The following TMEM132D variants were observed in gnomAD, a reference collection of about 807,000 sequenced individuals.
TMEM132D encodes the protein transmembrane protein 132D.
In TMEM132D, 21 loss-of-function variants were observed where a neutral mutation model predicts 62.3. That is an observed-to-expected ratio of 0.34 (90% confidence interval 0.24 to 0.49). The LOEUF is 0.49. TMEM132D is among the 20% of genes least tolerant of loss of function. The pLI is 0.99. For synonymous variants in TMEM132D, 621 were observed against 575.6 expected, an observed-to-expected ratio of 1.08 and a Z score of -1.13; for missense variants, 1,346 against 1,402.8, an observed-to-expected ratio of 0.96 and a Z score of 0.65.
chr12:129,489,428 C>T (rs144756195), intron 3 of TMEM132D, among the ~76,000 whole-genome samples: 1 of 152,142 alleles, frequency 6.6e-6, no homozygotes, highest in Non-Finnish European at 1.5e-5. Flanking sequence ...TGAAACAAAA[C>T]AATGGTGTAA....
At chr12:129,089,988 C>T (rs10847758) in intron 5 of TMEM132D, among the ~76,000 whole-genome samples, 1 of 152,092 alleles carries the variant, frequency 6.6e-6, no homozygotes, top group Non-Finnish European at 1.5e-5. Flanking sequence ...AAAAGCACAG[C>T]AGAAATGACT....
chr12:129,496,678 A>G (rs903362944), intron 3 of TMEM132D, among the ~76,000 whole-genome samples: 1 of 152,160 alleles, frequency 6.6e-6, no homozygotes. Flanking sequence ...ATTAAAAAAA[A>G]AATGCAAGCA....
intron 2 of TMEM132D, among the ~76,000 whole-genome samples, chr12:129,586,182 G>GATCACA (rs1565913335): frequency 1.3e-5 from 2 of 152,076 alleles, no homozygotes; most frequent in African/African-American, 4.8e-5. Context: ...GTTAGGTTGG[G>GATCACA]GACGTCCAGC....
chr12:129,550,276 C>A (rs1322582679), intron 2 of TMEM132D, among the ~76,000 whole-genome samples: 3 of 152,042 alleles, frequency 2.0e-5, no homozygotes. Flanking sequence ...CCTGAAAGAG[C>A]AACTTATGGA....
chr12:129,831,876 C>CTTTT (rs71085576), intron 1 of TMEM132D, among the ~76,000 whole-genome samples: 67 of 134,908 alleles, frequency 5.0e-4, no homozygotes, highest in East Asian at 1.1e-3. Flanking sequence ...CTTTCTTTTT[C>CTTTT]TTTTTTTTTT....
At chr12:129,876,171 T>C (rs1031888534) in intron 1 of TMEM132D, among the ~76,000 whole-genome samples, 14 of 152,194 alleles carry the variant, frequency 9.2e-5, no homozygotes, top group Non-Finnish European at 1.9e-4. Flanking sequence ...AGGCTGCGTG[T>C]AGATTCTTAC....
chr12:129,428,069 A>G (rs966058063), intron 3 of TMEM132D, among the ~76,000 whole-genome samples: 2 of 152,204 alleles, frequency 1.3e-5, no homozygotes, highest in African/African-American at 2.4e-5. Context: ...CACAAAATCC[A>G]TAAAGAGAAG....
chr12:129,458,447 T>C (rs1429779958), intron 3 of TMEM132D, among the ~76,000 whole-genome samples: 1 of 151,488 alleles, frequency 6.6e-6, no homozygotes, highest in African/African-American at 2.4e-5. Flanking sequence ...CTGATAATGA[T>C]ACCATAAGAC....
At chr12:129,640,021 T>G (rs867433200) in intron 2 of TMEM132D, among the ~76,000 whole-genome samples, 1 of 150,348 alleles carries the variant, frequency 6.7e-6, no homozygotes, top group Middle Eastern at 3.2e-3. Flanking sequence ...CACATGTTTC[T>G]TGGCATGAAA....
At chr12:129,853,394 C>T (rs1873607563) in intron 1 of TMEM132D, 2 of 152,370 alleles carry the variant, frequency 1.3e-5, no homozygotes, top group South Asian at 4.1e-4. Flanking sequence ...AGGACAGTGT[C>T]ACGGGGCAAT....
intron 4 of TMEM132D, among the ~76,000 whole-genome samples, chr12:129,310,736 C>G (rs193148532): frequency 1.5e-3 from 228 of 152,296 alleles, no homozygotes; most frequent in African/African-American, 5.2e-3. Flanking sequence ...TTGTCAGAGT[C>G]ATCAGATTAG....
chr12:129,134,184 G>GT (rs1339936553), intron 5 of TMEM132D, among the ~76,000 whole-genome samples: 1 of 151,558 alleles, frequency 6.6e-6, no homozygotes, highest in Non-Finnish European at 1.5e-5. Context: ...GTGTGTCTGT[G>GT]TGTCTGTGTG....
chr12:129,813,398 T>C (rs948916199), intron 1 of TMEM132D, among the ~76,000 whole-genome samples: 2 of 151,648 alleles, frequency 1.3e-5, no homozygotes, highest in African/African-American at 4.8e-5. Context: ...GTGAATAAAA[T>C]CTAATGTATT....
In TMEM132D at chr12:129,527,009, A is replaced by G. The variant is rs902072146; in HGVS notation, c.1115+4050T>C. Among the ~76,000 whole-genome samples the G allele has an allele frequency of 3.3e-5, 5 of 152,332 alleles. No individual in the cohort carries two copies. The East Asian group carries it at 5.8e-4, about 18-fold the overall frequency. On this transcript the variant is annotated intron_variant, in intron 3 of 8. Coordinates refer to ENST00000422113, the MANE Select transcript of TMEM132D (RefSeq NM_133448.3). ...TGTTTAAGATATTCCTATTTGTTTC[A>G]GAAAACAATCTATTTAAGGCTGGGT... is the stretch of plus-strand genomic sequence containing the variant.
intron 3 of TMEM132D, among the ~76,000 whole-genome samples, chr12:129,385,085 C>CTTTT (rs869098367): frequency 3.5e-5 from 3 of 86,872 alleles, no homozygotes; most frequent in Admixed American, 1.3e-4. Flanking sequence ...TGTTAAAGTT[C>CTTTT]TTTTTTTTTT....
rs560598865 is a variant in TMEM132D, at chr12:129,194,761, G to A, written c.1443+14759C>T. Among the ~76,000 whole-genome samples, 8 of 152,288 alleles carry A rather than the reference G, an allele frequency of 5.3e-5. No individual in the cohort carries two copies. The South Asian group carries it at 1.0e-3, about 20-fold the overall frequency. On this transcript the variant is annotated intron_variant, in intron 5 of 8. Transcript: ENST00000422113. ...GTTCAGGAAAAATTCACCGTGCAGT[G>A]AGTATACAGGTGTCTCCTTATCCAA...
chr12:129,533,559 T>C (rs1298706263), intron 2 of TMEM132D, among the ~76,000 whole-genome samples: 1 of 152,240 alleles, frequency 6.6e-6, no homozygotes, highest in Admixed American at 6.5e-5. Flanking sequence ...TTTTCTGATA[T>C]ATAATGGGCT....
intron 4 of TMEM132D, among the ~76,000 whole-genome samples, chr12:129,310,462 A>G (rs1306773574): frequency 6.6e-6 from 1 of 152,200 alleles, no homozygotes; most frequent in East Asian, 1.9e-4. Flanking sequence ...GCCCAAGGGG[A>G]CCTTGCAGAG....
At chr12:129,520,993 A>G (rs1465087523) in intron 3 of TMEM132D, among the ~76,000 whole-genome samples, 2 of 152,246 alleles carry the variant, frequency 1.3e-5, no homozygotes, top group African/African-American at 4.8e-5. Flanking sequence ...GAGTAATTGT[A>G]GACAAAAAAC....
Sources: gnomAD v4.1 joint callset for allele counts (sites outside exome capture counted in the v4.1 genomes callset) on GRCh38, gnomAD v4.1.1 for gene constraint, MANE v1.5 for transcripts, NCBI Gene and HGNC (gene_info 2026-07-23, HGNC 2026-07-21) for gene names.